Variants in RYR2 observed in about 807,000 individuals in gnomAD.
RYR2 encodes the protein cardiac muscle ryanodine receptor-calcium release channel.
Under a neutral mutation model 601.1 loss-of-function variants are expected in RYR2, and 227 were observed. The observed-to-expected ratio is 0.38, with a 90% CI of 0.34 to 0.42. RYR2 has a LOEUF of 0.42. Among genes scored for constraint, RYR2 ranks in the 10% least tolerant of loss-of-function variants. RYR2 has a pLI of 1.00. For missense variants in RYR2, 4,646 were observed against 6,156.5 expected (o/e 0.75, Z 8.21); for synonymous variants, 2,223 against 2,175.1 (o/e 1.02, Z -0.61).
At position 237,362,024 on chromosome 1, in the gene RYR2, C is replaced by T. The variant is rs143924064; in HGVS notation, c.295-2334C>T. Among the ~76,000 whole-genome samples the T allele has an allele frequency of 8.3e-4, 126 of 152,208 alleles. No homozygotes were observed. In the East Asian group the frequency reaches 0.023, roughly 27 times the overall value. Reference sequence around the variant, plus strand: ...TTGTCATCCATTTGACACCCAGGGCCGTCTATGTGTTAAAATGTAGCAATA... The same window carrying T: ...TTGTCATCCATTTGACACCCAGGGCTGTCTATGTGTTAAAATGTAGCAATA... On this transcript the variant is annotated intron_variant, in intron 4 of 104. Coordinates refer to ENST00000366574, the MANE Select transcript of RYR2 (RefSeq NM_001035.3).
intron 96 of RYR2, among the ~76,000 whole-genome samples, chr1:237,797,285 TAAG>T (rs1457638804): frequency 1.3e-5 from 2 of 151,558 alleles, no homozygotes; most frequent in East Asian, 3.9e-4. Flanking sequence ...AGGGGATTGT[TAAG>T]AATTATTCTA....
chr1:237,826,971 G>C (rs988301968), intron 101 of RYR2, among the ~76,000 whole-genome samples: 3 of 152,044 alleles, frequency 2.0e-5, no homozygotes, highest in African/African-American at 7.2e-5. Flanking sequence ...TTTTACTTCC[G>C]GGCAACTTGG....
chr1:237,309,000 A>G (rs1345453511), intron 2 of RYR2, among the ~76,000 whole-genome samples: 2 of 152,306 alleles, frequency 1.3e-5, no homozygotes, highest in African/African-American at 4.8e-5. Flanking sequence ...AGCTAGACAC[A>G]GAGCACTGAT....
At position 237,272,738 on chromosome 1, in the gene RYR2, TA is replaced by T. The variant is rs1006254188; in HGVS notation, c.168+2129del. ...TATTTAAAAATGAACTAAAAGAAAT[TA>T]AAAAAATAAGAGACACTATGAAAGA... On this transcript the variant is annotated intron_variant, in intron 2 of 104. Transcript: ENST00000366574. Among the ~76,000 whole-genome samples the T allele has an allele frequency of 4.6e-5, 7 of 151,168 alleles. No homozygotes were observed. In the East Asian group the frequency reaches 1.4e-3, roughly 29 times the overall value.
intron 14 of RYR2, among the ~76,000 whole-genome samples, chr1:237,453,225 A>C (rs1444505343): frequency 6.6e-6 from 1 of 152,048 alleles, no homozygotes; most frequent in Non-Finnish European, 1.5e-5. Flanking sequence ...AGGCGATAAA[A>C]CTTGGGGGTA....
At chr1:237,540,048 TCAAAA>T (rs143404323) in intron 25 of RYR2, among the ~76,000 whole-genome samples, 32,812 of 151,880 alleles carry the variant, frequency 0.22, 3,667 homozygotes, top group Admixed American at 0.31. Flanking sequence ...CTCCTTCCTC[TCAAAA>T]CAAACAAGCA....
chr1:237,079,724 A>G (rs1391045980), intron 1 of RYR2, among the ~76,000 whole-genome samples: 3 of 141,468 alleles, frequency 2.1e-5, no homozygotes, highest in African/African-American at 6.2e-5. Context: ...TACAGATTCA[A>G]TGCCATCCCC....
intron 80 of RYR2, among the ~76,000 whole-genome samples, chr1:237,750,038 C>T (rs550108914): frequency 5.3e-5 from 8 of 151,998 alleles, no homozygotes; most frequent in South Asian, 4.2e-4. Flanking sequence ...CCCAGCTACT[C>T]GGGAGGCCGA....
intron 1 of RYR2, among the ~76,000 whole-genome samples, chr1:237,067,451 C>G (rs1009267631): frequency 6.6e-6 from 1 of 152,122 alleles, no homozygotes; most frequent in Non-Finnish European, 1.5e-5. Flanking sequence ...CATACTTGTG[C>G]AGGGCTATTT....
rs74149916 is a variant in RYR2, at chr1:237,737,377, T to C, written c.11091+3621T>C. On this transcript the variant is annotated intron_variant, in intron 79 of 104. Transcript: ENST00000366574. ...CGGCACATTCTCCAGTATATTCATATGTGCCACCCAGAAGTTAATCAAACA... is the reference window on the plus strand; with the variant it reads ...CGGCACATTCTCCAGTATATTCATACGTGCCACCCAGAAGTTAATCAAACA... Among the ~76,000 whole-genome samples, 493 of 152,336 alleles carry C rather than the reference T, an allele frequency of 3.2e-3. 4 individuals are homozygous for C. Among genetic ancestry groups the C allele is most frequent in the African/African-American group, 0.011 (477 of 41,586 alleles).
At chr1:237,526,029 G>C (rs2997979) in intron 24 of RYR2, among the ~76,000 whole-genome samples, 72,832 of 151,630 alleles carry the variant, frequency 0.48, 17,772 homozygotes, top group East Asian at 0.6. Context: ...CCTTTGGGTA[G>C]GTATCCAGTT....
chr1:237,587,781 T>C (rs1228979195), intron 29 of RYR2, among the ~76,000 whole-genome samples: 1 of 152,190 alleles, frequency 6.6e-6, no homozygotes, highest in Non-Finnish European at 1.5e-5. Context: ...AGTTTAGGTA[T>C]TAGTGAAACA....
Position 237,674,086 on chromosome 1 carries a change from A to C in RYR2, c.8591-10A>C. On this transcript the variant is annotated splice_polypyrimidine_tract_variant and intron_variant, in intron 58 of 104. Coordinates refer to ENST00000366574, the MANE Select transcript of RYR2 (RefSeq NM_001035.3). ...TACTATGCTGTGTTCTTGTCCTGAC[A>C]TACTCTTAGGAGGAGGAAACCATCC... is the stretch of plus-strand genomic sequence containing the variant. 6.2e-7 allele frequency: 1 copy of C among 1,608,150 alleles called. No individual in the cohort carries two copies. The highest frequency in any genetic ancestry group is 8.5e-7 in the Non-Finnish European group (1 of 1,175,772).
At chr1:237,279,644 C>T (rs1690652649) in intron 2 of RYR2, among the ~76,000 whole-genome samples, 5 of 152,164 alleles carry the variant, frequency 3.3e-5, no homozygotes. Flanking sequence ...GGTTGAACCT[C>T]ATGCAACACC....
chr1:237,715,545 T>C (rs1689201403), intron 71 of RYR2, among the ~76,000 whole-genome samples: 1 of 152,192 alleles, frequency 6.6e-6, no homozygotes, highest in African/African-American at 2.4e-5. Context: ...GTGTTGATTA[T>C]TTTTATTATA....
At chr1:237,130,118 G>A (rs1483441471) in intron 1 of RYR2, among the ~76,000 whole-genome samples, 1 of 152,088 alleles carries the variant, frequency 6.6e-6, no homozygotes, top group East Asian at 1.9e-4. Context: ...ACAAAAAATA[G>A]GTATGTGAGG....
intron 1 of RYR2, among the ~76,000 whole-genome samples, chr1:237,077,984 G>A (rs1334825709): frequency 1.8e-4 from 16 of 87,546 alleles, no homozygotes; most frequent in South Asian, 1.1e-3. Context: ...ACTCAAAGCC[G>A]CTCAACTACA....
intron 23 of RYR2, among the ~76,000 whole-genome samples, chr1:237,510,984 C>G (rs982034676): frequency 5.3e-5 from 8 of 152,102 alleles, no homozygotes; most frequent in Non-Finnish European, 8.8e-5. Context: ...GTAAAAGAAA[C>G]AGCTAGAACC....
At position 237,764,402 on chromosome 1, in the gene RYR2, A is replaced by ATTTT. The variant is rs59485547; in HGVS notation, c.11476+3398_11476+3401dup. Among the ~76,000 whole-genome samples the ATTTT allele has an allele frequency of 4.7e-4, 33 of 69,960 alleles. 1 individual carries two copies. Among genetic ancestry groups the ATTTT allele is most frequent in the South Asian group, 2.1e-3 (3 of 1,456 alleles). 45.9% of individuals were successfully genotyped at this position (69,960 alleles called of 152,430 possible). ...CATGTCTACCATTGCCTTAGGTAGCATTTTTTTTTTTTTTTTTTTTTTTTT... is the reference window on the plus strand; with the variant it reads ...CATGTCTACCATTGCCTTAGGTAGCATTTTTTTTTTTTTTTTTTTTTTTTTTTTT... On this transcript the variant is annotated intron_variant, in intron 84 of 104. Transcript: ENST00000366574.
Sources: gnomAD v4.1 joint callset for allele counts (sites outside exome capture counted in the v4.1 genomes callset) on GRCh38, gnomAD v4.1.1 for gene constraint, MANE v1.5 for transcripts, NCBI Gene and HGNC (gene_info 2026-07-23, HGNC 2026-07-21) for gene names.